Variants in C7orf78 observed in about 807,000 individuals in gnomAD.
The protein encoded by C7orf78 is putative uncharacterized protein C7orf78.
chr7:12,509,582 T>G, the C7orf78 span, among the ~76,000 whole-genome samples: 1 of 152,148 alleles, frequency 6.6e-6, no homozygotes, highest in African/African-American at 2.4e-5. Context: ...TACAGTATGT[T>G]TTTACCCATT....
chr7:12,497,325 C>T, the C7orf78 span, among the ~76,000 whole-genome samples: 1 of 152,200 alleles, frequency 6.6e-6, no homozygotes, highest in Non-Finnish European at 1.5e-5. Context: ...GGGTTCATCT[C>T]ACTAGAGAGT....
At chr7:12,519,643 G>T in the C7orf78 span, among the ~76,000 whole-genome samples, 4 of 152,334 alleles carry the variant, frequency 2.6e-5, no homozygotes, top group Middle Eastern at 3.4e-3. Flanking sequence ...AAGCTCATCA[G>T]CTCTGGAAAG....
the C7orf78 span, among the ~76,000 whole-genome samples, chr7:12,498,971 T>A: frequency 6.6e-5 from 10 of 151,830 alleles, no homozygotes; most frequent in East Asian, 1.9e-4. Flanking sequence ...AGAATTTCAT[T>A]TCCAGCCAAA....
At chr7:12,532,559 A>G in the C7orf78 span, among the ~76,000 whole-genome samples, 3 of 151,668 alleles carry the variant, frequency 2.0e-5, no homozygotes, top group Middle Eastern at 3.4e-3. Flanking sequence ...AAAAAAAAAA[A>G]AAAGAAAAAG....
the C7orf78 span, among the ~76,000 whole-genome samples, chr7:12,484,862 T>A: frequency 6.7e-6 from 1 of 149,652 alleles, no homozygotes; most frequent in Admixed American, 6.7e-5. Context: ...ATTTTTTTTT[T>A]AATTTAAATG....
At chr7:12,508,244 C>CT in the C7orf78 span, among the ~76,000 whole-genome samples, 3 of 152,136 alleles carry the variant, frequency 2.0e-5, no homozygotes, top group African/African-American at 4.8e-5. Context: ...ATGAATCTGG[C>CT]TTTAGGGCTC....
chr7:12,512,398 G>C, the C7orf78 span, among the ~76,000 whole-genome samples: 2 of 152,154 alleles, frequency 1.3e-5, no homozygotes, highest in Non-Finnish European at 2.9e-5. Flanking sequence ...TTATCATAAA[G>C]TGGTGTGGAA....
At chr7:12,503,043 T>G in the C7orf78 span, among the ~76,000 whole-genome samples, 6 of 120,500 alleles carry the variant, frequency 5.0e-5, no homozygotes, top group African/African-American at 6.9e-5. Flanking sequence ...TGAGATCACA[T>G]GGACACAGGA....
the C7orf78 span, among the ~76,000 whole-genome samples, chr7:12,536,880 C>T: frequency 1.3e-5 from 2 of 152,174 alleles, no homozygotes; most frequent in Non-Finnish European, 2.9e-5. Context: ...CAACAAGTTC[C>T]TCATCTCCTT....
the C7orf78 span, among the ~76,000 whole-genome samples, chr7:12,489,741 C>T: frequency 1.3e-5 from 2 of 152,048 alleles, no homozygotes; most frequent in Admixed American, 6.6e-5. Context: ...GGCAAAATTG[C>T]TATGTAGGAC....
chr7:12,513,786 G>A, the C7orf78 span, among the ~76,000 whole-genome samples: 48 of 152,080 alleles, frequency 3.2e-4, no homozygotes, highest in African/African-American at 8.5e-4. Context: ...GGATCACGAC[G>A]TCAGGAGATT....
chr7:12,525,435 T>G, the C7orf78 span, among the ~76,000 whole-genome samples: 1 of 152,158 alleles, frequency 6.6e-6, no homozygotes, highest in Non-Finnish European at 1.5e-5. Context: ...TATGCAATTC[T>G]ATGTGTCATA....
the C7orf78 span, among the ~76,000 whole-genome samples, chr7:12,500,509 A>G: frequency 2.7e-5 from 4 of 149,774 alleles, no homozygotes; most frequent in Non-Finnish European, 5.9e-5. Context: ...TGACACATAC[A>G]CTCTCCCAAG....
chr7:12,489,928 G>A, the C7orf78 span, among the ~76,000 whole-genome samples: 1 of 152,032 alleles, frequency 6.6e-6, no homozygotes, highest in Non-Finnish European at 1.5e-5. Context: ...GACCCTGAGG[G>A]GATCTCTAAA....
At chr7:12,521,836 A>G in the C7orf78 span, among the ~76,000 whole-genome samples, 2 of 151,924 alleles carry the variant, frequency 1.3e-5, no homozygotes, top group Admixed American at 1.3e-4. Context: ...TTTTAATACT[A>G]TAACTCCAAT....
At chr7:12,528,578 T>C in the C7orf78 span, among the ~76,000 whole-genome samples, 6 of 152,208 alleles carry the variant, frequency 3.9e-5, no homozygotes, top group African/African-American at 1.4e-4. Context: ...AGATTCTTTG[T>C]AAGACGCAGC....
chr7:12,504,095 G>T, the C7orf78 span, among the ~76,000 whole-genome samples: 1 of 152,146 alleles, frequency 6.6e-6, no homozygotes, highest in Non-Finnish European at 1.5e-5. Context: ...CTGCCTCTCA[G>T]AATCATATAA....
chr7:12,527,653 T>C, the C7orf78 span, among the ~76,000 whole-genome samples: 1 of 136,082 alleles, frequency 7.3e-6, no homozygotes, highest in South Asian at 2.7e-4. Flanking sequence ...ACATGTCAGC[T>C]TTCCTAGTAT....
chr7:12,516,419 C>T, the C7orf78 span, among the ~76,000 whole-genome samples: 2 of 152,328 alleles, frequency 1.3e-5, no homozygotes, highest in East Asian at 3.9e-4. Context: ...GAGCGGGGCA[C>T]TCATGGAGAA....
Sources: allele counts gnomAD v4.1 joint callset (sites outside exome capture counted in the v4.1 genomes callset), GRCh38; gene constraint gnomAD v4.1.1; transcripts MANE v1.5; gene names NCBI Gene and HGNC (gene_info 2026-07-23, HGNC 2026-07-21).